The following VPS41 variants were observed in gnomAD, a reference collection of about 807,000 sequenced individuals.
VPS41 encodes vacuolar protein sorting-associated protein 41 homolog.
In VPS41, 85 loss-of-function variants were observed where a neutral mutation model predicts 130.9. The ratio of observed to expected loss-of-function variants is 0.65; its 90% confidence interval spans 0.55 to 0.78. The LOEUF (loss-of-function observed/expected upper bound fraction) is 0.78. Ranked by LOEUF, VPS41 falls within the 30% of genes least tolerant of loss-of-function variation. The pLI is 0.00. For missense variants in VPS41, 874 were observed against 1,018.7 expected (o/e 0.86, Z 1.93); for synonymous variants, 335 against 332.9 (o/e 1.01, Z -0.07).
At chr7:38,796,224 G>A (rs1784615952) in intron 8 of VPS41, among the ~76,000 whole-genome samples, 1 of 152,166 alleles carries the variant, frequency 6.6e-6, no homozygotes, top group South Asian at 2.1e-4. Flanking sequence ...TATGCCAGAT[G>A]TCAAAAAGAC....
Position 38,742,195 on chromosome 7 carries a change from T to C in VPS41, c.2123-74A>G, listed in dbSNP as rs530272664. 7 of 1,397,844 alleles carry C rather than the reference T, an allele frequency of 5.0e-6. No individual in the cohort carries two copies. In the East Asian group the frequency reaches 1.5e-4, roughly 30 times the overall value. 86.6% of individuals were successfully genotyped at this position (1,397,844 alleles called of 1,614,324 possible). On this transcript the variant is annotated intron_variant, in intron 24 of 28. Transcript: ENST00000310301. ...CAATTTTATTTGCACATAATTTGCA[T>C]ATAATGCAATTTTAGATCAAAAGTA...
chr7:38,742,565 T>C (rs190127183), intron 24 of VPS41, among the ~76,000 whole-genome samples: 2 of 152,224 alleles, frequency 1.3e-5, no homozygotes, highest in African/African-American at 4.8e-5. Context: ...GGCTAATAAG[T>C]AATGTGCCCA....
chr7:38,799,237 A>G (rs984457895), intron 7 of VPS41, among the ~76,000 whole-genome samples: 2 of 152,210 alleles, frequency 1.3e-5, no homozygotes, highest in East Asian at 1.9e-4. Flanking sequence ...CAAAAAAAAC[A>G]AAAGAACTTA....
chr7:38,772,611 A>G lies in VPS41; in HGVS notation c.1039T>C (p.Tyr347His), dbSNP rs759974630. ...ACAACATCTCTCGGACTCACGATGT[A>G]AAAAAGTGATTCCCCTTCAGAGTAT... ...LEYSEGESLF[Y>H]IVSPRDVVVA... is the part of the protein sequence containing the mutation. Residue 347 changes from tyrosine (Y) to histidine (H), a missense_variant, in exon 13 of 29, where the codon TAC becomes CAC. By Grantham distance (83) the Tyr-to-His change is moderately conservative. Transcript: ENST00000310301. The G allele has an allele frequency of 6.2e-7, 1 of 1,613,014 alleles. No individual in the cohort carries two copies. Among genetic ancestry groups the G allele is most frequent in the Non-Finnish European group, 8.5e-7 (1 of 1,179,164 alleles).
chr7:38,843,806 T>C (rs1785665538), intron 4 of VPS41, among the ~76,000 whole-genome samples: 1 of 152,168 alleles, frequency 6.6e-6, no homozygotes, highest in Non-Finnish European at 1.5e-5. Context: ...TCAGTAACAA[T>C]TCGTTCCAAC....
At chr7:38,811,568 T>G (rs920880605) in intron 7 of VPS41, among the ~76,000 whole-genome samples, 1 of 151,648 alleles carries the variant, frequency 6.6e-6, no homozygotes, top group Non-Finnish European at 1.5e-5. Context: ...CAAACTATTA[T>G]CACACTTTTA....
At chr7:38,769,773 T>G (rs574260139) in intron 14 of VPS41, among the ~76,000 whole-genome samples, 1 of 152,230 alleles carries the variant, frequency 6.6e-6, no homozygotes. Context: ...GTAAGTCTCA[T>G]GACCTTCCAC....
intron 7 of VPS41, among the ~76,000 whole-genome samples, chr7:38,801,403 T>C (rs879159801): frequency 6.6e-6 from 1 of 152,244 alleles, no homozygotes. Context: ...TTTGACAGGA[T>C]TCACGTTATT....
chr7:38,882,968 C>T (rs1372188956), intron 2 of VPS41, among the ~76,000 whole-genome samples: 1 of 152,216 alleles, frequency 6.6e-6, no homozygotes, highest in Non-Finnish European at 1.5e-5. Context: ...AAGGGCCAGG[C>T]ACAGTGGCTC....
In VPS41 at chr7:38,869,269, A is replaced by T; in HGVS notation, c.61-16T>A. 6.3e-7 allele frequency: 1 copy of T among 1,577,850 alleles called. No homozygotes were observed. Among genetic ancestry groups the T allele is most frequent in the Non-Finnish European group, 8.7e-7 (1 of 1,154,188 alleles). On this transcript the variant is annotated splice_polypyrimidine_tract_variant and intron_variant, in intron 2 of 28. Transcript: ENST00000310301. Reference sequence around the variant, plus strand: ...TCTCTTCTTCCTGCACAAACGGCAAAGAAAAATGACACCCGTCAGAGATTT... The same window carrying T: ...TCTCTTCTTCCTGCACAAACGGCAATGAAAAATGACACCCGTCAGAGATTT...
chr7:38,849,001 T>A (rs1785789062), intron 4 of VPS41, among the ~76,000 whole-genome samples: 1 of 152,152 alleles, frequency 6.6e-6, no homozygotes, highest in African/African-American at 2.4e-5. Flanking sequence ...AACTTCAGTA[T>A]CTGTCACAAT....
chr7:38,868,147 C>G (rs1786268311), intron 3 of VPS41, among the ~76,000 whole-genome samples: 2 of 152,098 alleles, frequency 1.3e-5, no homozygotes, highest in South Asian at 4.2e-4. Flanking sequence ...AGGTAAGGGT[C>G]ACTGGAATGA....
chr7:38,726,485 T>C (rs931100658), intron 28 of VPS41, among the ~76,000 whole-genome samples, 159 bp from the exon 29 acceptor site: 1 of 152,184 alleles, frequency 6.6e-6, no homozygotes, highest in African/African-American at 2.4e-5. Context: ...TAGGATTTAG[T>C]CTAGATCAGC....
At chr7:38,774,598 C>T (rs968819371) in intron 11 of VPS41, among the ~76,000 whole-genome samples, 2 of 151,616 alleles carry the variant, frequency 1.3e-5, no homozygotes, top group African/African-American at 4.8e-5. Flanking sequence ...ACCACTGTAA[C>T]AATAAAAATA....
chr7:38,862,438 T>C (rs1416903480), intron 4 of VPS41, 107 bp downstream of exon 4: 2 of 634,956 alleles, frequency 3.1e-6, no homozygotes, highest in South Asian at 2.4e-5. Flanking sequence ...ATTGAATTAA[T>C]AAAGATCCTC....
At chr7:38,846,710 A>C (rs1785731668) in intron 4 of VPS41, among the ~76,000 whole-genome samples, 1 of 152,224 alleles carries the variant, frequency 6.6e-6, no homozygotes, top group Non-Finnish European at 1.5e-5. Context: ...CAGGGAGATC[A>C]GTTGGGTTTT....
chr7:38,874,227 T>G (rs1426639921), intron 2 of VPS41, among the ~76,000 whole-genome samples: 1 of 152,188 alleles, frequency 6.6e-6, no homozygotes, highest in African/African-American at 2.4e-5. Context: ...AAAATGTGTG[T>G]CACATGAATT....
intron 7 of VPS41, among the ~76,000 whole-genome samples, chr7:38,813,846 G>A (rs557668588): frequency 3.3e-5 from 5 of 152,030 alleles, no homozygotes; most frequent in South Asian, 2.1e-4. Context: ...TGCTTGGAAC[G>A]AGATGTCAAC....
At chr7:38,745,792 G>GTAC (rs1167942083) in intron 22 of VPS41, 179 bp from the exon 23 acceptor site, 5 of 605,790 alleles carry the variant, frequency 8.3e-6, no homozygotes, top group Non-Finnish European at 1.4e-5. Context: ...CCTCTCAGAG[G>GTAC]TACTGGACTC....
Sources: gnomAD v4.1 joint callset for allele counts (sites outside exome capture counted in the v4.1 genomes callset) on GRCh38, gnomAD v4.1.1 for gene constraint, MANE v1.5 for transcripts, NCBI Gene and HGNC (gene_info 2026-07-23, HGNC 2026-07-21) for gene names.